PTPN13: variants seen among roughly 807,000 people sequenced by gnomAD.
The protein encoded by PTPN13 is tyrosine-protein phosphatase non-receptor type 13.
In PTPN13, 191 loss-of-function variants were observed where a neutral mutation model predicts 284.0. That is an observed-to-expected ratio of 0.67 (90% CI 0.60 to 0.76). The LOEUF is 0.76. PTPN13 is among the 30% of genes least tolerant of loss of function. PTPN13 has a pLI of 0.00. For missense variants in PTPN13, 2,797 were observed against 2,939.9 expected (o/e 0.95, Z 1.12); for synonymous variants, 986 against 1,022.3 (o/e 0.96, Z 0.68).
At chr4:86,606,123 T>G (rs1764718488) in intron 1 of PTPN13, among the ~76,000 whole-genome samples, 1 of 151,824 alleles carries the variant, frequency 6.6e-6, no homozygotes, top group Admixed American at 6.6e-5. Flanking sequence ...AACTATTGAT[T>G]GAATTAAAGA....
intron 1 of PTPN13, among the ~76,000 whole-genome samples, chr4:86,633,794 C>A (rs1722722547): frequency 1.3e-5 from 2 of 152,140 alleles, no homozygotes; most frequent in Non-Finnish European, 2.9e-5. Flanking sequence ...AATGAAGCTT[C>A]TACTTTTTTC....
intron 32 of PTPN13, among the ~76,000 whole-genome samples, chr4:86,773,725 G>A (rs1200761259): frequency 2.0e-5 from 3 of 151,328 alleles, no homozygotes; most frequent in Admixed American, 6.6e-5. Flanking sequence ...GTGCATGTGT[G>A]TATTGGAGAT....
In PTPN13 at chr4:86,734,718, T is replaced by C. The variant is rs1055977329; in HGVS notation, c.2013-19T>C. 3 of 1,600,854 alleles carry C rather than the reference T, an allele frequency of 1.9e-6. No homozygotes were observed. Among genetic ancestry groups the C allele is most frequent in the Non-Finnish European group, 1.7e-6 (2 of 1,170,712 alleles). Reference sequence around the variant, plus strand: ...TCAAAATCAAAGGCCAAGATGTCTGTGTGTGTTTGTTTTTTCAGACATACT... The same window carrying C: ...TCAAAATCAAAGGCCAAGATGTCTGCGTGTGTTTGTTTTTTCAGACATACT... On this transcript the variant is annotated intron_variant, in intron 13 of 47. Coordinates refer to ENST00000411767, the MANE Select transcript of PTPN13 (RefSeq NM_080683.3).
At chr4:86,740,046 C>A (rs889629503) in intron 15 of PTPN13, among the ~76,000 whole-genome samples, 2 of 152,186 alleles carry the variant, frequency 1.3e-5, no homozygotes, top group Non-Finnish European at 2.9e-5. Flanking sequence ...GTATAGACCC[C>A]TCCTGGCTGG....
chr4:86,776,295 G>T (rs1018290814), intron 35 of PTPN13, among the ~76,000 whole-genome samples: 1 of 152,152 alleles, frequency 6.6e-6, no homozygotes, highest in African/African-American at 2.4e-5. Context: ...AGATAGGGTG[G>T]TCATCAGGTG....
intron 32 of PTPN13, 48 bp from the exon 33 acceptor site, chr4:86,774,325 A>G (rs745384448): frequency 3.1e-5 from 46 of 1,507,936 alleles, no homozygotes; most frequent in Non-Finnish European, 3.5e-5. Context: ...CTGTTTGTCT[A>G]TAGTGCAGAA....
At chr4:86,613,470 T>A (rs1402029249) in intron 1 of PTPN13, among the ~76,000 whole-genome samples, 1 of 151,948 alleles carries the variant, frequency 6.6e-6, no homozygotes. Flanking sequence ...CCGTGTCTAC[T>A]AAAAATACGA....
At chr4:86,667,302 G>T (rs766524717) in intron 2 of PTPN13, among the ~76,000 whole-genome samples, 1 of 152,014 alleles carries the variant, frequency 6.6e-6, no homozygotes, top group Non-Finnish European at 1.5e-5. Context: ...AAGAGACTAT[G>T]ATTATCAATT....
chr4:86,595,645 C>A, intron 1 of PTPN13: 1 of 568,960 alleles, frequency 1.8e-6, no homozygotes, highest in Non-Finnish European at 2.2e-6. Flanking sequence ...TTAATTGCAT[C>A]TTTGAAACAA....
intron 46 of PTPN13, among the ~76,000 whole-genome samples, chr4:86,810,610 G>A (rs1745121293): frequency 1.3e-5 from 2 of 152,182 alleles, no homozygotes; most frequent in Non-Finnish European, 2.9e-5. Flanking sequence ...ACTAGCTGTA[G>A]TAATTTAAGT....
Position 86,689,083 on chromosome 4 carries a change from C to T in PTPN13, c.439C>T (p.Arg147Trp), listed in dbSNP as rs756236911. The T allele has an allele frequency of 2.2e-5, 36 of 1,601,138 alleles. No individual in the cohort carries two copies. Among genetic ancestry groups the T allele is most frequent in the South Asian group, 2.2e-4 (20 of 90,830 alleles). ...EDVIYARVSVRTVLDACSAHI... is the reference protein window; with the variant it reads ...EDVIYARVSVWTVLDACSAHI... ...TGTTATTTACGCTCGAGTTTCTGTT[C>T]GGACTGTGCTGGATGCTTGCAGTGC... Residue 147 changes from arginine to tryptophan, a missense_variant, in exon 5 of 48, where the codon CGG becomes TGG. Transcript: ENST00000411767.
intron 9 of PTPN13, among the ~76,000 whole-genome samples, chr4:86,721,036 T>G (rs1048561258): frequency 6.6e-6 from 1 of 152,016 alleles, no homozygotes; most frequent in African/African-American, 2.4e-5. Context: ...CTCTGCTTGT[T>G]GAGGTAACCT....
chr4:86,606,226 G>A (rs1764728849), intron 1 of PTPN13, among the ~76,000 whole-genome samples: 2 of 151,834 alleles, frequency 1.3e-5, no homozygotes. Flanking sequence ...TTGTTTAATT[G>A]AATATGCTGT....
intron 1 of PTPN13, among the ~76,000 whole-genome samples, chr4:86,619,893 G>A (rs1471979990): frequency 5.3e-5 from 8 of 152,024 alleles, no homozygotes; most frequent in African/African-American, 1.4e-4. Context: ...CAAGCTTGGA[G>A]TGTTGCTGCA....
chr4:86,614,333 A>G (rs1224690206), intron 1 of PTPN13, among the ~76,000 whole-genome samples: 4 of 152,190 alleles, frequency 2.6e-5, no homozygotes, highest in Non-Finnish European at 4.4e-5. Flanking sequence ...AAACTGTAAT[A>G]TTGCAATTTT....
At chr4:86,791,367 C>T (rs1282133507) in intron 40 of PTPN13, among the ~76,000 whole-genome samples, 2 of 152,164 alleles carry the variant, frequency 1.3e-5, no homozygotes, top group African/African-American at 2.4e-5. Context: ...CAGGGCAGAG[C>T]CCACCGCAAC....
At position 86,799,138 on chromosome 4, in the gene PTPN13, G is replaced by A; in HGVS notation, c.6439G>A (p.Asp2147Asn). ...QKPQEKKTDD[D>N]EITWGNDELP... ...GCCACAAGAAAAGAAGACTGATGAT[G>A]ATGAAATAACATGGGGAAATGATGA... The change falls in exon 42 of 48, where the codon GAT becomes AAT. Residue 2147 changes from aspartate to asparagine, a missense_variant. Transcript: ENST00000411767. 4 of 1,594,510 alleles carry A rather than the reference G, an allele frequency of 2.5e-6. No individual in the cohort carries two copies. Among genetic ancestry groups the A allele is most frequent in the Non-Finnish European group, 3.4e-6 (4 of 1,171,492 alleles).
At chr4:86,663,943 C>T (rs1261797216) in intron 2 of PTPN13, among the ~76,000 whole-genome samples, 1 of 152,008 alleles carries the variant, frequency 6.6e-6, no homozygotes, top group African/African-American at 2.4e-5. Context: ...TACTTAATAC[C>T]AGTTAATTGA....
chr4:86,812,582 C>G (rs1047562850), intron 47 of PTPN13, among the ~76,000 whole-genome samples: 3 of 152,158 alleles, frequency 2.0e-5, no homozygotes, highest in African/African-American at 7.2e-5. Context: ...CGAAGTAACA[C>G]TTAAGCAAAG....
Sources: gnomAD v4.1 joint callset for allele counts (sites outside exome capture counted in the v4.1 genomes callset) on GRCh38, gnomAD v4.1.1 for gene constraint, MANE v1.5 for transcripts, NCBI Gene and HGNC (gene_info 2026-07-23, HGNC 2026-07-21) for gene names.